PTPRN2: variants seen among roughly 807,000 people sequenced by gnomAD.
PTPRN2 encodes the protein protein tyrosine phosphatase receptor type N2.
A neutral mutation model predicts 118.8 loss-of-function variants in PTPRN2; 74 were observed. The ratio of observed to expected loss-of-function variants is 0.62; its 90% CI spans 0.52 to 0.76. The LOEUF (loss-of-function observed/expected upper bound fraction) is 0.76. Among genes scored for constraint, PTPRN2 ranks in the 30% least tolerant of loss-of-function variants. PTPRN2 has a pLI of 0.00. For synonymous variants in PTPRN2, 641 were observed against 608.0 expected, an observed-to-expected ratio of 1.05 and a Z score of -0.80; for missense variants, 1,481 against 1,394.4, an observed-to-expected ratio of 1.06 and a Z score of -0.99.
intron 1 of PTPRN2, chr7:158,539,957 G>A (rs1009733041): frequency 2.0e-5 from 5 of 245,444 alleles, no homozygotes; most frequent in Non-Finnish European, 4.0e-5. Context: ...ACCGGACGGT[G>A]CACTGTGAAC....
chr7:158,491,081 G>A (rs755643104), intron 1 of PTPRN2, among the ~76,000 whole-genome samples: 3 of 152,226 alleles, frequency 2.0e-5, no homozygotes, highest in Non-Finnish European at 2.9e-5. Context: ...TGAGGGAGCT[G>A]GCCTAAAACC....
intron 5 of PTPRN2, among the ~76,000 whole-genome samples, chr7:158,186,394 G>A (rs777940166): frequency 6.6e-5 from 10 of 152,170 alleles, no homozygotes; most frequent in Admixed American, 1.3e-4. Context: ...TCATGTGGTC[G>A]GGGTGGGAGG....
At position 157,609,399 on chromosome 7, in the gene PTPRN2, T is replaced by A. The variant is rs959603254; in HGVS notation, c.2345-5324A>T. On this transcript the variant is annotated intron_variant, in intron 15 of 22. Coordinates refer to ENST00000389418, the MANE Select transcript of PTPRN2 (RefSeq NM_002847.5). This position sits in a 1 kb window ranked among gnomAD's most constrained non-coding sequence, Gnocchi z 4.9. ...ACTCTGTCTCAAAAAAATTTTTTTT[T>A]AAATATAAAAAAAAAGAGTATTTCA... Among the ~76,000 whole-genome samples the A allele has an allele frequency of 1.3e-5, 2 of 152,012 alleles. No individual in the cohort carries two copies. Among genetic ancestry groups the A allele is most frequent in the African/African-American group, 2.4e-5 (1 of 41,390 alleles).
At chr7:157,984,645 G>C (rs1803630663) in intron 11 of PTPRN2, among the ~76,000 whole-genome samples, 1 of 152,128 alleles carries the variant, frequency 6.6e-6, no homozygotes, top group Non-Finnish European at 1.5e-5. Context: ...TCTCAGTCCT[G>C]CTCTCTGACA....
At chr7:158,485,281 G>A (rs911809006) in intron 2 of PTPRN2, among the ~76,000 whole-genome samples, 5 of 151,944 alleles carry the variant, frequency 3.3e-5, no homozygotes, top group East Asian at 1.9e-4. Flanking sequence ...CGGGATTTCC[G>A]CCCCTGGGCT....
chr7:158,244,964 G>C (rs1034818133), intron 3 of PTPRN2, among the ~76,000 whole-genome samples: 1 of 152,228 alleles, frequency 6.6e-6, no homozygotes, highest in Non-Finnish European at 1.5e-5. Context: ...AGGCCTGAGC[G>C]AGGCCAGCAG....
chr7:158,061,535 CT>C (rs1472929688), intron 11 of PTPRN2, among the ~76,000 whole-genome samples: 1 of 152,252 alleles, frequency 6.6e-6, no homozygotes, highest in Non-Finnish European at 1.5e-5. Flanking sequence ...GCTGTGGCCC[CT>C]GGGGCTGCAG....
At chr7:157,709,883 A>G (rs1471428306) in intron 12 of PTPRN2, among the ~76,000 whole-genome samples, 1 of 152,232 alleles carries the variant, frequency 6.6e-6, no homozygotes, top group Non-Finnish European at 1.5e-5. Context: ...GTGAGCAGAC[A>G]AGGCTCTGGC....
chr7:158,037,463 G>A (rs1462714793), intron 11 of PTPRN2, among the ~76,000 whole-genome samples: 2 of 152,212 alleles, frequency 1.3e-5, no homozygotes, highest in African/African-American at 4.8e-5. Context: ...GTAGGCAATT[G>A]TAACCAATGG....
At chr7:157,827,421 GT>G (rs1807253814) in intron 12 of PTPRN2, among the ~76,000 whole-genome samples, 1 of 108,414 alleles carries the variant, frequency 9.2e-6, no homozygotes, top group South Asian at 2.9e-4. Flanking sequence ...AGTGTGGGCC[GT>G]GGCTGTCTGG....
intron 13 of PTPRN2, among the ~76,000 whole-genome samples, chr7:157,669,099 G>A (rs757917138): frequency 6.6e-6 from 1 of 152,186 alleles, no homozygotes; most frequent in South Asian, 2.1e-4. Flanking sequence ...TCTCTGATCG[G>A]CACCGCTACA....
chr7:158,000,623 G>T lies in PTPRN2; in HGVS notation c.1723+80675C>A, dbSNP rs1426816412. On this transcript the variant is annotated intron_variant, in intron 11 of 22. Coordinates refer to ENST00000389418, the MANE Select transcript of PTPRN2 (RefSeq NM_002847.5). ...CAGGTGGGGAGCAGGGTGGGGCTGG[G>T]GTCGGGCCGCAGGTGGGGAGCAGGG... Among the ~76,000 whole-genome samples, 459 of 74,528 alleles carry T rather than the reference G, an allele frequency of 6.2e-3. 1 individual carries two copies. Among genetic ancestry groups the T allele is most frequent in the African/African-American group, 0.021 (395 of 19,168 alleles). 48.9% of individuals were successfully genotyped at this position (74,528 alleles called of 152,430 possible). A position where few individuals can be genotyped will look rare whatever the true frequency, so the allele number is the denominator to read the frequency against.
chr7:158,055,087 T>C (rs1024938261), intron 11 of PTPRN2, among the ~76,000 whole-genome samples: 3 of 152,254 alleles, frequency 2.0e-5, no homozygotes, highest in African/African-American at 7.2e-5. Flanking sequence ...ATACTAGATC[T>C]AGATCATAGA....
At chr7:158,143,092 T>C (rs1819538186) in intron 6 of PTPRN2, among the ~76,000 whole-genome samples, 1 of 152,136 alleles carries the variant, frequency 6.6e-6, no homozygotes, top group Non-Finnish European at 1.5e-5. Context: ...GATCTTTTTC[T>C]TTCCCAGCGA....
intron 2 of PTPRN2, among the ~76,000 whole-genome samples, chr7:158,360,095 GACGCACAGACCCCAC>G (rs1275560790): frequency 4.0e-4 from 54 of 133,946 alleles, no homozygotes; most frequent in African/African-American, 1.4e-3. Flanking sequence ...CACCCAGGAT[GACGCACAGACCCCAC>G]ATCCACCCTC....
intron 11 of PTPRN2, among the ~76,000 whole-genome samples, chr7:157,904,350 G>C (rs980031637): frequency 2.0e-5 from 3 of 152,184 alleles, no homozygotes; most frequent in African/African-American, 7.2e-5. Context: ...CCGCTTCTCA[G>C]AGCCCATATG....
At chr7:157,608,530 G>A (rs1009448799) in intron 15 of PTPRN2, among the ~76,000 whole-genome samples, 1 of 152,176 alleles carries the variant, frequency 6.6e-6, no homozygotes, top group African/African-American at 2.4e-5. Flanking sequence ...TCATGTGCCT[G>A]GCGAATCTCT....
rs1279376414 is a variant in PTPRN2, at chr7:157,763,242, C to G, written c.1789-80305G>C. Among the ~76,000 whole-genome samples, 1 of 152,250 alleles carries G rather than the reference C, an allele frequency of 6.6e-6. No individual in the cohort carries two copies. The highest frequency in any genetic ancestry group is 1.5e-5 in the Non-Finnish European group (1 of 68,042). ...ATGCCCTGAGGTGTCCAGTCCAACTCAAATTTCCAGCCACATACACCATGA... is the reference window on the plus strand; with the variant it reads ...ATGCCCTGAGGTGTCCAGTCCAACTGAAATTTCCAGCCACATACACCATGA... On this transcript the variant is annotated intron_variant, in intron 12 of 22. Coordinates refer to ENST00000389418, the MANE Select transcript of PTPRN2 (RefSeq NM_002847.5). This position sits in a 1 kb window ranked among gnomAD's most constrained non-coding sequence, Gnocchi z 4.9.
At chr7:158,337,766 G>A (rs1256642883) in intron 2 of PTPRN2, among the ~76,000 whole-genome samples, 2 of 52,796 alleles carry the variant, frequency 3.8e-5, no homozygotes, top group African/African-American at 1.6e-4. Context: ...GGTGACACCT[G>A]CAAACGTCAC....
Sources: gnomAD v4.1 joint callset for allele counts (sites outside exome capture counted in the v4.1 genomes callset) on GRCh38, gnomAD v4.1.1 for gene constraint, Gnocchi (gnomAD v3.1) non-coding constraint, MANE v1.5 for transcripts, NCBI Gene and HGNC (gene_info 2026-07-23, HGNC 2026-07-21) for gene names.